RGMB: variants seen among roughly 807,000 people sequenced by gnomAD.
The protein encoded by RGMB is repulsive guidance molecule B.
In RGMB, 16 loss-of-function variants were observed where a neutral mutation model predicts 26.9. That is an observed-to-expected ratio of 0.60 (90% CI 0.40 to 0.90). The LOEUF (loss-of-function observed/expected upper bound fraction) is 0.90. Ranked by LOEUF, RGMB falls within the 40% of genes least tolerant of loss-of-function variation. The pLI, the probability that RGMB is intolerant of heterozygous loss-of-function variation, is 0.00. For synonymous variants in RGMB, 225 were observed against 229.3 expected (o/e 0.98, Z 0.17); for missense variants, 512 against 573.3 (o/e 0.89, Z 1.09).
rs1376518849 is a variant in RGMB, at chr5:98,796,317, CTT to C, written c.*2566_*2567del. On this transcript the variant is annotated 3_prime_UTR_variant, in exon 3 of 3. Coordinates refer to ENST00000513185, the MANE Select transcript of RGMB (RefSeq NM_001366508.1). ...AAGACTCAAAACTTTTTTTTGTCCT[CTT>C]TGTTATGCTTGGAAGCTCCCCCCCC... 3 of 124,684 alleles carry C rather than the reference CTT, an allele frequency of 2.4e-5. No homozygotes were observed. Among genetic ancestry groups the C allele is most frequent in the African/African-American group, 9.7e-5 (3 of 30,990 alleles). 7.7% of individuals were successfully genotyped at this position (124,684 alleles called of 1,614,324 possible). A position where few individuals can be genotyped will look rare whatever the true frequency, so the allele number is the denominator to read the frequency against.
At chr5:98,789,817 CAG>C (rs1174701870) in intron 2 of RGMB, among the ~76,000 whole-genome samples, 1 of 152,184 alleles carries the variant, frequency 6.6e-6, no homozygotes, top group Non-Finnish European at 1.5e-5. Flanking sequence ...TGAGTTATGA[CAG>C]CATATATATT....
In RGMB at chr5:98,774,040, G is replaced by A; in HGVS notation, c.-31G>A. On this transcript the variant is annotated 5_prime_UTR_variant, in exon 1 of 3. Transcript: ENST00000513185. The stretch of plus-strand genomic sequence containing the variant: ...CCACGGCGCCCGCGCCGCCGCCCTC[G>A]CCGGAGCCCACGAGACCTGCATGGA... 2.6e-6 allele frequency: 2 copies of A among 772,572 alleles called. No homozygotes were observed. The highest frequency in any genetic ancestry group is 2.7e-5 in the Admixed American group (1 of 36,496). 47.9% of individuals were successfully genotyped at this position (772,572 alleles called of 1,614,324 possible).
At chr5:98,772,102 A>G (rs184760146), upstream of RGMB, among the ~76,000 whole-genome samples, 3 of 152,240 alleles carry the variant, frequency 2.0e-5, no homozygotes, top group Non-Finnish European at 2.9e-5. Flanking sequence ...CCGCAGCATT[A>G]TCTAAAAATG....
intron 2 of RGMB, 152 bp from the exon 3 acceptor site, chr5:98,792,933 T>C (rs938036416): frequency 1.8e-6 from 1 of 560,786 alleles, no homozygotes. Flanking sequence ...GAAAGTGATA[T>C]CCATTTTTGA....
chr5:98,793,658 A>G lies in RGMB; in HGVS notation c.1219A>G (p.Ile407Val). Residue 407 changes from isoleucine (I) to valine (V), a missense_variant, in exon 3 of 3, where the codon ATT (isoleucine) becomes GTT (valine). Ile to Val is a conservative substitution (Grantham distance 29). Transcript: ENST00000513185. ...ALHPRKERWH[I>V]FPSSGNGTPR... ...GCACCCAAGGAAGGAACGCTGGCACATTTTCCCCAGCAGTGGCAATGGGAC... is the reference window on the plus strand; with the variant it reads ...GCACCCAAGGAAGGAACGCTGGCACGTTTTCCCCAGCAGTGGCAATGGGAC... 1.9e-6 allele frequency: 3 copies of G among 1,613,834 alleles called. No individual in the cohort carries two copies. The highest frequency in any genetic ancestry group is 2.2e-5 in the South Asian group (2 of 91,070).
intron 1 of RGMB, among the ~76,000 whole-genome samples, chr5:98,776,206 C>T (rs933413501): frequency 2.9e-4 from 44 of 152,174 alleles, no homozygotes; most frequent in African/African-American, 9.7e-4. Context: ...AAGCTCTAGA[C>T]CCACAAATGC....
intron 1 of RGMB, among the ~76,000 whole-genome samples, chr5:98,777,040 C>T (rs540404206): frequency 5.3e-5 from 8 of 151,056 alleles, no homozygotes; most frequent in African/African-American, 1.9e-4. Context: ...GAGCCGAGAT[C>T]GCGCCACTGC....
upstream of RGMB, chr5:98,770,809 A>ATCATG: frequency 1.9e-6 from 1 of 521,352 alleles, no homozygotes. Context: ...CTGAAAAAAA[A>ATCATG]AATGATGTAA....
intron 1 of RGMB, 142 bp from the exon 2 acceptor site, chr5:98,779,438 C>A: frequency 1.3e-6 from 1 of 746,998 alleles, no homozygotes; most frequent in Non-Finnish European, 2.0e-6. Context: ...ACAATGAAAC[C>A]CTGTATCTGA....
chr5:98,776,053 T>A lies in RGMB; in HGVS notation c.136+1847T>A, dbSNP rs192129890. On this transcript the variant is annotated intron_variant, in intron 1 of 2. Transcript: ENST00000513185. ...CACCCCATATGGCTCCACATTTCAC[T>A]TAATTCAGCTTCAGAATACCTCATT... 2.0e-5 allele frequency among the ~76,000 whole-genome samples: 3 copies of A among 152,354 alleles called. No individual in the cohort carries two copies. The East Asian group carries it at 5.8e-4, about 29-fold the overall frequency.
At chr5:98,776,683 A>G (rs1000264907) in intron 1 of RGMB, among the ~76,000 whole-genome samples, 8 of 152,206 alleles carry the variant, frequency 5.3e-5, no homozygotes, top group Non-Finnish European at 5.9e-5. Flanking sequence ...CGCTCCCATC[A>G]TCTCTGTAGC....
chr5:98,784,189 G>A (rs929214045), intron 2 of RGMB, among the ~76,000 whole-genome samples: 9 of 152,312 alleles, frequency 5.9e-5, no homozygotes, highest in South Asian at 2.1e-4. Flanking sequence ...TATCTTGTAC[G>A]TTTTTGGTGC....
rs755708773 is a variant in RGMB, at chr5:98,780,134, G to A, written c.645+46G>A. 7 of 1,538,068 alleles carry A rather than the reference G, an allele frequency of 4.6e-6. No individual in the cohort carries two copies. The South Asian group carries it at 7.2e-5, about 16-fold the overall frequency. ...CCCTCTCCCTACTCAACTTTCAAAA[G>A]ATGTTTGATTCTTCAGATAACTTTT... On this transcript the variant is annotated intron_variant, in intron 2 of 2. Transcript: ENST00000513185.
At chr5:98,773,163 C>G (rs1746229724), upstream of RGMB, 1 of 151,936 alleles carries the variant, frequency 6.6e-6, no homozygotes, top group Non-Finnish European at 1.5e-5. Flanking sequence ...CCGCGCGGCG[C>G]TCTGTAAAAG....
intron 1 of RGMB, among the ~76,000 whole-genome samples, chr5:98,776,692 G>A (rs1002576447): frequency 6.6e-6 from 1 of 152,206 alleles, no homozygotes; most frequent in South Asian, 2.1e-4. Context: ...CATCTCTGTA[G>A]CAGAAGGCTG....
At chr5:98,780,322 C>T in intron 2 of RGMB, 1 of 456,738 alleles carries the variant, frequency 2.2e-6, no homozygotes, top group Non-Finnish European at 3.8e-6. Flanking sequence ...AAAAAGTAAA[C>T]AGTGAAATTG....
upstream of RGMB, chr5:98,770,642 C>T (rs1448019583): frequency 1.4e-6 from 2 of 1,435,438 alleles, no homozygotes; most frequent in Admixed American, 2.6e-5. Context: ...TCCCGCTGAG[C>T]CCCCTCCAGG....
intron 2 of RGMB, among the ~76,000 whole-genome samples, chr5:98,786,839 T>G (rs954443035): frequency 2.0e-5 from 3 of 152,222 alleles, no homozygotes; most frequent in East Asian, 3.8e-4. Flanking sequence ...GAAAGAAGTT[T>G]AGGTGAAACT....
chr5:98,775,452 T>A (rs1327003284), intron 1 of RGMB, among the ~76,000 whole-genome samples: 2 of 152,220 alleles, frequency 1.3e-5, no homozygotes. Context: ...TAGAAAATAG[T>A]GTCAATCTGC....
Sources: allele counts gnomAD v4.1 joint callset (sites outside exome capture counted in the v4.1 genomes callset), GRCh38; gene constraint gnomAD v4.1.1; transcripts MANE v1.5; gene names NCBI Gene and HGNC (gene_info 2026-07-23, HGNC 2026-07-21).